CDH4: variants seen among roughly 807,000 people sequenced by gnomAD.
CDH4 encodes cadherin 4, also known as cadherin-4.
CDH4 carries 33 observed loss-of-function variants against 86.0 expected under a neutral mutation model. The observed-to-expected ratio is 0.38, with a 90% CI of 0.29 to 0.51. The LOEUF is 0.51. Ranked by LOEUF, CDH4 falls within the 20% of genes least tolerant of loss-of-function variation. CDH4 has a pLI of 0.86. For missense variants in CDH4, 1,114 were observed against 1,307.4 expected (o/e 0.85, Z 2.28); for synonymous variants, 555 against 549.4 (o/e 1.01, Z -0.14).
In CDH4 at chr20:61,386,465, C is replaced by T. The variant is rs550430695; in HGVS notation, c.169+131528C>T. On this transcript the variant is annotated intron_variant, in intron 2 of 15. Transcript: ENST00000614565. ...CTCTGCCTTCCCCCAGCCTTCCCTGCGGAAGCCCTGGCATGCACTGAACCC... is the reference window on the plus strand; with the variant it reads ...CTCTGCCTTCCCCCAGCCTTCCCTGTGGAAGCCCTGGCATGCACTGAACCC... 4.1e-4 allele frequency among the ~76,000 whole-genome samples: 63 copies of T among 152,160 alleles called. 1 individual carries two copies. In the South Asian group the frequency reaches 0.011, roughly 27 times the overall value.
intron 2 of CDH4, among the ~76,000 whole-genome samples, chr20:61,519,224 G>A (rs554540233): frequency 1.3e-4 from 20 of 152,356 alleles, no homozygotes; most frequent in African/African-American, 4.3e-4. Flanking sequence ...TTCATAGGAT[G>A]ATGTGTGCCT....
chr20:61,655,695 C>T (rs987470355), intron 2 of CDH4, among the ~76,000 whole-genome samples: 9 of 152,188 alleles, frequency 5.9e-5, no homozygotes, highest in African/African-American at 1.4e-4. Context: ...AAGCAGCCTC[C>T]GTGGGTCATT....
intron 4 of CDH4, among the ~76,000 whole-genome samples, chr20:61,793,568 G>A (rs1409536616): frequency 4.6e-5 from 7 of 151,914 alleles, no homozygotes; most frequent in Admixed American, 2.0e-4. Flanking sequence ...GAGGCCGGGC[G>A]CAGTGGCTCA....
At chr20:61,652,681 C>T (rs926708004) in intron 2 of CDH4, among the ~76,000 whole-genome samples, 7 of 151,732 alleles carry the variant, frequency 4.6e-5, no homozygotes, top group Non-Finnish European at 8.8e-5. Flanking sequence ...ACATCCCCAC[C>T]ATTGGCATTA....
intron 2 of CDH4, among the ~76,000 whole-genome samples, chr20:61,327,441 G>A (rs993476555): frequency 2.0e-5 from 3 of 152,166 alleles, no homozygotes; most frequent in African/African-American, 4.8e-5. Context: ...ATGGACTTTA[G>A]GTGATTGAGA....
intron 6 of CDH4, among the ~76,000 whole-genome samples, chr20:61,871,156 A>G (rs8114770): frequency 0.058 from 8,801 of 152,040 alleles, 387 homozygotes; most frequent in East Asian, 0.18. Context: ...TCTGCCTGAA[A>G]ACACCCTTAG....
intron 2 of CDH4, among the ~76,000 whole-genome samples, chr20:61,686,473 ATATG>A (rs2145865198): frequency 8.3e-6 from 1 of 121,040 alleles, no homozygotes; most frequent in Non-Finnish European, 1.7e-5. Flanking sequence ...ATTTGCGTGT[ATATG>A]TGCGTGTGTG....
chr20:61,457,028 TCTC>T lies in CDH4; in HGVS notation c.169+202094_169+202096del, dbSNP rs530909436. ...GGCAAAAGGGGCTTTGTGCCAGACTTCTCCTTTCAGAGCGTGAATTTTCCTTAA... is the reference window on the plus strand; with the variant it reads ...GGCAAAAGGGGCTTTGTGCCAGACTTCTTTCAGAGCGTGAATTTTCCTTAA... On this transcript the variant is annotated intron_variant, in intron 2 of 15. Coordinates refer to ENST00000614565, the MANE Select transcript of CDH4 (RefSeq NM_001794.5). 4.6e-5 allele frequency among the ~76,000 whole-genome samples: 7 copies of T among 152,262 alleles called. No homozygotes were observed. In the South Asian group the frequency reaches 6.2e-4, roughly 14 times the overall value.
chr20:61,454,968 T>C (rs375994947), intron 2 of CDH4, among the ~76,000 whole-genome samples: 1 of 152,362 alleles, frequency 6.6e-6, no homozygotes, highest in Non-Finnish European at 1.5e-5. Flanking sequence ...AACAGCTTTA[T>C]TGAGATATAA....
At chr20:61,924,757 T>TC in intron 11 of CDH4, among the ~76,000 whole-genome samples, 1 of 151,852 alleles carries the variant, frequency 6.6e-6, no homozygotes, top group East Asian at 1.9e-4. Flanking sequence ...GCCTGGTCTT[T>TC]CCCCCCAACG....
intron 2 of CDH4, among the ~76,000 whole-genome samples, chr20:61,286,003 C>T (rs981328302): frequency 5.9e-5 from 9 of 152,180 alleles, no homozygotes; most frequent in African/African-American, 2.2e-4. Flanking sequence ...TTTTCCTTCC[C>T]CCTTCCTATG....
At chr20:61,723,748 G>T (rs538700597) in intron 2 of CDH4, among the ~76,000 whole-genome samples, 2 of 152,322 alleles carry the variant, frequency 1.3e-5, no homozygotes, top group East Asian at 1.9e-4. Flanking sequence ...AACATAGTTG[G>T]CAGCCAACCA....
At chr20:61,472,078 C>A (rs1332899054) in intron 2 of CDH4, among the ~76,000 whole-genome samples, 1 of 152,162 alleles carries the variant, frequency 6.6e-6, no homozygotes, top group Admixed American at 6.5e-5. Context: ...TCTGGAAGAT[C>A]CATCCAATGC....
chr20:61,830,033 A>T (rs556553253), intron 4 of CDH4, among the ~76,000 whole-genome samples: 3 of 151,272 alleles, frequency 2.0e-5, no homozygotes, highest in Admixed American at 2.0e-4. Flanking sequence ...AGATCTCTAA[A>T]TTTTTTTTCT....
At chr20:61,645,931 A>C (rs1403498685) in intron 2 of CDH4, among the ~76,000 whole-genome samples, 1 of 152,084 alleles carries the variant, frequency 6.6e-6, no homozygotes, top group Non-Finnish European at 1.5e-5. Context: ...CTTCCTCCTG[A>C]GGGTGGTGGA....
chr20:61,534,665 C>CTTTTTTTTTTTTTTTTTTTTTTTTTTT lies in CDH4; in HGVS notation c.170-208876_170-208875insTTTTTTTTTTTTTTTTTTTTTTTTTTT, dbSNP rs34309371. Among the ~76,000 whole-genome samples, 42 of 76,054 alleles carry CTTTTTTTTTTTTTTTTTTTTTTTTTTT rather than the reference C, an allele frequency of 5.5e-4. 5 individuals are homozygous for CTTTTTTTTTTTTTTTTTTTTTTTTTTT. Among genetic ancestry groups the CTTTTTTTTTTTTTTTTTTTTTTTTTTT allele is most frequent in the African/African-American group, 4.3e-3 (40 of 9,286 alleles). The allele number at this position is 76,054 out of a possible 152,430, so 49.9% of individuals were successfully genotyped here. On this transcript the variant is annotated intron_variant, in intron 2 of 15. Coordinates refer to ENST00000614565, the MANE Select transcript of CDH4 (RefSeq NM_001794.5). Reference sequence around the variant, plus strand: ...CTTTCTTTCTTTTCTTTCTTTCTTTCTTTTTTTTTTTTTTTTTTTTTTGAG... The same window carrying CTTTTTTTTTTTTTTTTTTTTTTTTTTT: ...CTTTCTTTCTTTTCTTTCTTTCTTTCTTTTTTTTTTTTTTTTTTTTTTTTTTTTTTTTTTTTTTTTTTTTTTTTTGAG...
chr20:61,401,494 G>A (rs999630323), intron 2 of CDH4, among the ~76,000 whole-genome samples: 7 of 152,296 alleles, frequency 4.6e-5, no homozygotes, highest in Non-Finnish European at 5.9e-5. Context: ...TGAGAGAAAC[G>A]TAACTCGTGC....
At chr20:61,496,417 C>G (rs1256203327) in intron 2 of CDH4, among the ~76,000 whole-genome samples, 1 of 151,356 alleles carries the variant, frequency 6.6e-6, no homozygotes, top group African/African-American at 2.4e-5. Context: ...AAAAAAAAAT[C>G]TAAAATTCAC....
chr20:61,656,305 GCA>G, intron 2 of CDH4, among the ~76,000 whole-genome samples: 1 of 119,204 alleles, frequency 8.4e-6, no homozygotes, highest in Non-Finnish European at 1.7e-5. Flanking sequence ...GGGTGGGTAG[GCA>G]CGTGCTGAAG....
Sources: gnomAD v4.1 joint callset for allele counts (sites outside exome capture counted in the v4.1 genomes callset) on GRCh38, gnomAD v4.1.1 for gene constraint, MANE v1.5 for transcripts, NCBI Gene and HGNC (gene_info 2026-07-23, HGNC 2026-07-21) for gene names.